Variants in ANKRD17 observed in about 807,000 individuals in gnomAD.
ANKRD17 encodes ankyrin repeat domain-containing protein 17.
A neutral mutation model predicts 229.7 loss-of-function variants in ANKRD17; 19 were observed. The ratio of observed to expected loss-of-function variants is 0.08; its 90% CI spans 0.06 to 0.12. The LOEUF is 0.12. Ranked by LOEUF, ANKRD17 falls within the 10% of genes least tolerant of loss-of-function variation. ANKRD17 has a pLI of 1.00. For missense variants in ANKRD17, 2,176 were observed against 3,176.8 expected (o/e 0.68, Z 7.57); for synonymous variants, 1,112 against 1,146.1 (o/e 0.97, Z 0.60).
chr4:73,089,711 T>C (rs1264416098), intron 29 of ANKRD17, among the ~76,000 whole-genome samples: 1 of 151,928 alleles, frequency 6.6e-6, no homozygotes, highest in Non-Finnish European at 1.5e-5. Context: ...AAGTAAAAAG[T>C]TTTTTTTAAA....
Position 73,092,162 on chromosome 4 carries a change from T to G in ANKRD17, c.5466A>C (p.Ala1822=), listed in dbSNP as rs1722854588. 6.2e-7 allele frequency: 1 copy of G among 1,614,200 alleles called. No individual in the cohort carries two copies. The highest frequency in any genetic ancestry group is 1.7e-5 in the Admixed American group (1 of 60,026). Residue 1822 remains alanine, a synonymous_variant, in exon 29 of 34, where the codon GCA becomes GCC. Coordinates refer to ENST00000358602, the MANE Select transcript of ANKRD17 (RefSeq NM_032217.5). ...SSANSKIGSS[A]PTTTAANTSL... ...AAGTGTTAGCAGCAGTGGTGGTAGG[T>G]GCTGATGACCCTATTTTGGAATTTG...
chr4:73,104,785 T>A (rs1724413222), intron 24 of ANKRD17, among the ~76,000 whole-genome samples: 1 of 152,180 alleles, frequency 6.6e-6, no homozygotes, highest in Middle Eastern at 3.4e-3. Flanking sequence ...GAATTTTTTT[T>A]AAAAGAATAA....
intron 27 of ANKRD17, among the ~76,000 whole-genome samples, chr4:73,096,744 TTA>T (rs1723345159): frequency 6.6e-6 from 1 of 152,238 alleles, no homozygotes; most frequent in Non-Finnish European, 1.5e-5. Flanking sequence ...TAAAGTTATC[TTA>T]TGATTTAAAG....
intron 1 of ANKRD17, among the ~76,000 whole-genome samples, chr4:73,230,382 T>C (rs1003800953): frequency 6.6e-6 from 1 of 152,158 alleles, no homozygotes; most frequent in African/African-American, 2.4e-5. Context: ...CCCAGTACAA[T>C]TGTTTTGTAA....
intron 30 of ANKRD17, among the ~76,000 whole-genome samples, chr4:73,083,580 G>A (rs1002255084): frequency 6.6e-6 from 1 of 152,084 alleles, no homozygotes; most frequent in East Asian, 1.9e-4. Flanking sequence ...AACAATAAAA[G>A]CAATTGTAAT....
intron 1 of ANKRD17, among the ~76,000 whole-genome samples, chr4:73,249,916 A>G (rs1744836039): frequency 1.3e-5 from 2 of 152,194 alleles, no homozygotes; most frequent in Non-Finnish European, 2.9e-5. Context: ...AGTAAAATCT[A>G]CAGTCCTCCT....
chr4:73,202,318 T>TAAAAAAAAA (rs10533861), intron 1 of ANKRD17, among the ~76,000 whole-genome samples: 5 of 21,938 alleles, frequency 2.3e-4, no homozygotes, highest in African/African-American at 3.8e-4. Flanking sequence ...GGAACAGGAT[T>TAAAAAAAAA]AAAAAAAAAA....
chr4:73,156,948 A>T (rs1398325821), intron 3 of ANKRD17, among the ~76,000 whole-genome samples: 2 of 152,116 alleles, frequency 1.3e-5, no homozygotes, highest in Admixed American at 1.3e-4. Flanking sequence ...GAATTCATTG[A>T]GTTTTTTACA....
chr4:73,108,150 G>A (rs763267467), intron 24 of ANKRD17, among the ~76,000 whole-genome samples: 1 of 152,078 alleles, frequency 6.6e-6, no homozygotes, highest in African/African-American at 2.4e-5. Flanking sequence ...CAAAGGTAAC[G>A]GGATTTTTCA....
At chr4:73,167,646 T>G (rs984935940) in intron 2 of ANKRD17, among the ~76,000 whole-genome samples, 13 of 152,164 alleles carry the variant, frequency 8.5e-5, no homozygotes, top group African/African-American at 3.1e-4. Context: ...AATCTGCATT[T>G]CTCTCTCATA....
chr4:73,180,570 C>T (rs1735418369), intron 1 of ANKRD17, among the ~76,000 whole-genome samples: 1 of 152,044 alleles, frequency 6.6e-6, no homozygotes, highest in Admixed American at 6.6e-5. Flanking sequence ...ATTCTTAGGC[C>T]CACTATTCTC....
chr4:73,249,738 C>T (rs1744817937), intron 1 of ANKRD17, among the ~76,000 whole-genome samples: 1 of 152,192 alleles, frequency 6.6e-6, no homozygotes, highest in Non-Finnish European at 1.5e-5. Context: ...CGCCTGTAGC[C>T]CCAGCTACCT....
chr4:73,224,731 G>A (rs1308204797), intron 1 of ANKRD17, among the ~76,000 whole-genome samples: 5 of 151,854 alleles, frequency 3.3e-5, no homozygotes, highest in African/African-American at 1.2e-4. Context: ...CCCATTTTAC[G>A]TATGTGGAAA....
intron 2 of ANKRD17, among the ~76,000 whole-genome samples, chr4:73,168,749 T>C (rs1161841639): frequency 1.3e-5 from 2 of 152,210 alleles, no homozygotes. Flanking sequence ...GTTTTACGTG[T>C]GTTTCTGTTT....
At chr4:73,243,717 T>C (rs563442021) in intron 1 of ANKRD17, among the ~76,000 whole-genome samples, 51 of 152,350 alleles carry the variant, frequency 3.3e-4, no homozygotes, top group Non-Finnish European at 5.1e-4. Context: ...AAAAGACTAC[T>C]TCTCCACAAG....
intron 3 of ANKRD17, among the ~76,000 whole-genome samples, chr4:73,160,970 T>C (rs1236022503): frequency 6.6e-6 from 1 of 152,222 alleles, no homozygotes; most frequent in Non-Finnish European, 1.5e-5. Context: ...CTATTTGATC[T>C]TGATTAAGTT....
intron 1 of ANKRD17, among the ~76,000 whole-genome samples, chr4:73,245,575 G>A (rs181058348): frequency 1.1e-4 from 17 of 152,244 alleles, no homozygotes; most frequent in African/African-American, 3.4e-4. Flanking sequence ...ACTGCCTGCC[G>A]TACAGATTTC....
intron 6 of ANKRD17, among the ~76,000 whole-genome samples, chr4:73,153,568 T>C (rs1219486434): frequency 2.0e-5 from 3 of 152,186 alleles, no homozygotes; most frequent in Non-Finnish European, 2.9e-5. Flanking sequence ...TAAAATACCA[T>C]GTACCCCTTC....
intron 3 of ANKRD17, among the ~76,000 whole-genome samples, chr4:73,157,137 G>C (rs993176512): frequency 1.3e-5 from 2 of 151,830 alleles, no homozygotes; most frequent in African/African-American, 4.8e-5. Flanking sequence ...TCTTTTGTTC[G>C]GTCAGTAGAA....
Sources: gnomAD v4.1 joint callset for allele counts (sites outside exome capture counted in the v4.1 genomes callset) on GRCh38, gnomAD v4.1.1 for gene constraint, MANE v1.5 for transcripts, NCBI Gene and HGNC (gene_info 2026-07-23, HGNC 2026-07-21) for gene names.